The following ARID3B variants were observed in gnomAD, a reference collection of about 807,000 sequenced individuals.
The protein encoded by ARID3B is AT-rich interaction domain 3B, also known as AT-rich interactive domain-containing protein 3B.
Under a neutral mutation model 51.9 loss-of-function variants are expected in ARID3B, and 10 were observed. The ratio of observed to expected loss-of-function variants is 0.19; its 90% confidence interval spans 0.12 to 0.33. ARID3B has a LOEUF of 0.33. ARID3B is among the 10% of genes least tolerant of loss of function. ARID3B has a pLI of 1.00. For missense variants in ARID3B, 483 were observed against 716.3 expected (o/e 0.67, Z 3.72); for synonymous variants, 205 against 279.5 (o/e 0.73, Z 2.66).
intron 4 of ARID3B, among the ~76,000 whole-genome samples, chr15:74,576,216 T>TC (rs1281977875): frequency 6.6e-6 from 1 of 152,030 alleles, no homozygotes; most frequent in East Asian, 1.9e-4. Context: ...TTTAGCAGTA[T>TC]CCATGGCCTC....
Position 74,591,855 on chromosome 15 carries a change from C to T in ARID3B, c.1420+41C>T, listed in dbSNP as rs1307143780. On this transcript the variant is annotated intron_variant, in intron 7 of 8. Transcript: ENST00000346246. The surrounding 1 kb of genome is among the most constrained non-coding windows in gnomAD (Gnocchi z 5.8). The stretch of plus-strand genomic sequence containing the variant: ...GGCCGGGCCTTCCCTTCCTGGAAAC[C>T]CCAAGCCCATTCACGCCTCCTGGGA... The T allele has an allele frequency of 1.3e-6, 2 of 1,595,066 alleles. No homozygotes were observed. Among genetic ancestry groups the T allele is most frequent in the Non-Finnish European group, 8.6e-7 (1 of 1,168,064 alleles).
At chr15:74,580,205 G>C (rs1020181849) in intron 4 of ARID3B, among the ~76,000 whole-genome samples, 1 of 152,094 alleles carries the variant, frequency 6.6e-6, no homozygotes, top group Non-Finnish European at 1.5e-5. Flanking sequence ...AACAAAAAAC[G>C]TGTTTCTTTG....
intron 4 of ARID3B, among the ~76,000 whole-genome samples, chr15:74,576,222 G>A (rs1051521261): frequency 3.3e-5 from 5 of 152,062 alleles, no homozygotes; most frequent in African/African-American, 1.2e-4. Flanking sequence ...AGTATCCATG[G>A]CCTCTATCCA....
At chr15:74,555,041 G>A (rs2061652449) in intron 2 of ARID3B, among the ~76,000 whole-genome samples, 1 of 152,114 alleles carries the variant, frequency 6.6e-6, no homozygotes, top group African/African-American at 2.4e-5. Context: ...TGATGGAGAT[G>A]CTAATTACCC....
At chr15:74,576,372 C>T (rs185732244) in intron 4 of ARID3B, among the ~76,000 whole-genome samples, 7 of 152,258 alleles carry the variant, frequency 4.6e-5, no homozygotes, top group African/African-American at 1.7e-4. Flanking sequence ...TGTAAAATAT[C>T]CTCTGCAAGA....
Position 74,552,422 on chromosome 15 carries a change from C to T in ARID3B, c.552+7934C>T, listed in dbSNP as rs972444771. On this transcript the variant is annotated intron_variant, in intron 2 of 8. Transcript: ENST00000346246. Reference sequence around the variant, plus strand: ...GTTGGTCAGGCTGGTCTCGAACTCCCGACCTCAGGTAATCCACACACCTTG... The same window carrying T: ...GTTGGTCAGGCTGGTCTCGAACTCCTGACCTCAGGTAATCCACACACCTTG... 4.6e-4 allele frequency among the ~76,000 whole-genome samples: 65 copies of T among 140,386 alleles called. 1 individual carries two copies. Among genetic ancestry groups the T allele is most frequent in the Admixed American group, 3.7e-3 (51 of 13,870 alleles). 92.1% of individuals were successfully genotyped at this position (140,386 alleles called of 152,430 possible).
At chr15:74,562,034 C>G (rs1277779035) in intron 2 of ARID3B, among the ~76,000 whole-genome samples, 1 of 134,308 alleles carries the variant, frequency 7.4e-6, no homozygotes, top group Admixed American at 8.3e-5. Context: ...GAGCAAGACT[C>G]TGTCTTAAAA....
chr15:74,584,203 C>T (rs1214596794), intron 4 of ARID3B, among the ~76,000 whole-genome samples: 1 of 152,154 alleles, frequency 6.6e-6, no homozygotes. Flanking sequence ...TAGTAGTTGC[C>T]AGTATCTGTT....
chr15:74,556,784 T>G (rs1026869688), intron 2 of ARID3B, among the ~76,000 whole-genome samples: 10 of 147,706 alleles, frequency 6.8e-5, no homozygotes, highest in Middle Eastern at 3.4e-3. Context: ...TTGTTTTTTT[T>G]TTTTTTTTGA....
At chr15:74,541,825 C>A (rs1345678012) in intron 1 of ARID3B, among the ~76,000 whole-genome samples, 2 of 151,162 alleles carry the variant, frequency 1.3e-5, no homozygotes, top group Non-Finnish European at 2.9e-5. Context: ...TTGTACCCGG[C>A]TTGGTGGTCC....
intron 2 of ARID3B, among the ~76,000 whole-genome samples, chr15:74,563,750 T>C (rs1164849396): frequency 6.6e-6 from 1 of 152,178 alleles, no homozygotes; most frequent in Non-Finnish European, 1.5e-5. Context: ...TAGGACTTAC[T>C]TACCTCTGTG....
intron 2 of ARID3B, among the ~76,000 whole-genome samples, chr15:74,566,201 T>C (rs1189075628): frequency 6.6e-6 from 1 of 152,152 alleles, no homozygotes; most frequent in Non-Finnish European, 1.5e-5. Context: ...TCTCAGATTT[T>C]CAATACCATT....
intron 2 of ARID3B, among the ~76,000 whole-genome samples, chr15:74,569,164 A>G (rs1567120940): frequency 6.6e-6 from 1 of 152,176 alleles, no homozygotes; most frequent in Non-Finnish European, 1.5e-5. Flanking sequence ...CTTGAATTGC[A>G]TAAGTGAGCC....
intron 4 of ARID3B, among the ~76,000 whole-genome samples, chr15:74,581,308 A>G (rs1246053068): frequency 6.6e-6 from 1 of 152,206 alleles, no homozygotes; most frequent in Non-Finnish European, 1.5e-5. Context: ...GTGCAACTTG[A>G]GTGTTTTTCC....
chr15:74,579,362 G>A (rs905422065), intron 4 of ARID3B, among the ~76,000 whole-genome samples: 1 of 152,176 alleles, frequency 6.6e-6, no homozygotes. Context: ...GCAGTGCCCT[G>A]TGGGGGTGGA....
chr15:74,545,936 A>G (rs2061614070), intron 2 of ARID3B, among the ~76,000 whole-genome samples: 1 of 152,204 alleles, frequency 6.6e-6, no homozygotes, highest in African/African-American at 2.4e-5. Context: ...CCTCCCATGG[A>G]TGTTGTAAGG....
chr15:74,560,031 T>TAAAAAAGAAAAAAAAAAAAAAA, intron 2 of ARID3B, among the ~76,000 whole-genome samples: 1 of 35,628 alleles, frequency 2.8e-5, no homozygotes, highest in East Asian at 7.6e-4. Context: ...CTGTCTCTAC[T>TAAAAAAGAAAAAAAAAAAAAAA]AAAAAAAAAA....
At chr15:74,564,093 G>A (rs2061689318) in intron 2 of ARID3B, among the ~76,000 whole-genome samples, 1 of 152,220 alleles carries the variant, frequency 6.6e-6, no homozygotes, top group Non-Finnish European at 1.5e-5. Context: ...ACAGCGGAAG[G>A]TGTGCATCTG....
rs900091332 is a variant in ARID3B, at chr15:74,589,021, C to CTTTT, written c.698-774_698-771dup. Among the ~76,000 whole-genome samples the CTTTT allele has an allele frequency of 8.0e-5, 7 of 87,810 alleles. 1 individual carries two copies. Among genetic ancestry groups the CTTTT allele is most frequent in the African/African-American group, 2.0e-4 (4 of 20,370 alleles). 57.6% of individuals were successfully genotyped at this position (87,810 alleles called of 152,430 possible). On this transcript the variant is annotated intron_variant, in intron 4 of 8. Coordinates refer to ENST00000346246, the MANE Select transcript of ARID3B (RefSeq NM_006465.4). ...GCAGGCATGTGCAAACAAGCACACTCTTTTTTTTTTTTTTTTTTTTTTTTT... is the reference window on the plus strand; with the variant it reads ...GCAGGCATGTGCAAACAAGCACACTCTTTTTTTTTTTTTTTTTTTTTTTTTTTTT...
Sources: allele counts gnomAD v4.1 joint callset (sites outside exome capture counted in the v4.1 genomes callset), GRCh38; gene constraint gnomAD v4.1.1; non-coding constraint Gnocchi (gnomAD v3.1); transcripts MANE v1.5; gene names NCBI Gene and HGNC (gene_info 2026-07-23, HGNC 2026-07-21).